Variants in CASP9 observed in about 807,000 individuals in gnomAD.
CASP9 encodes caspase-9.
In CASP9, 29 loss-of-function variants were observed where a neutral mutation model predicts 43.5. The observed-to-expected ratio is 0.67, with a 90% CI of 0.50 to 0.91. CASP9 has a LOEUF of 0.91. Among genes scored for constraint, CASP9 ranks in the 40% least tolerant of loss-of-function variants. The pLI, the probability that CASP9 is intolerant of heterozygous loss-of-function variation, is 0.00. For synonymous variants in CASP9, 206 were observed against 211.9 expected, an observed-to-expected ratio of 0.97 and a Z score of 0.24; for missense variants, 575 against 537.4, an observed-to-expected ratio of 1.07 and a Z score of -0.69.
At position 15,518,256 on chromosome 1, in the gene CASP9, G is replaced by C. The variant is rs1710034555; in HGVS notation, c.272C>G (p.Thr91Ser). The C allele has an allele frequency of 6.2e-7, 1 of 1,614,236 alleles. No homozygotes were observed. Among genetic ancestry groups the C allele is most frequent in the Non-Finnish European group, 8.5e-7 (1 of 1,180,052 alleles). ...GQDMLASFLR[T>S]NRQAAKLSKP... ...CGACAACTTTGCTGCTTGCCTGTTA[G>C]TTCGCAGAAACGAAGCCAGCATGTC... Residue 91 changes from threonine (T) to serine (S), a missense_variant, in exon 2 of 9, where the codon ACT becomes AGT. Thr to Ser is a moderately conservative substitution (Grantham distance 58). Coordinates refer to ENST00000333868, the MANE Select transcript of CASP9 (RefSeq NM_001229.5).
At chr1:15,508,708 C>T (rs1034047330) in intron 2 of CASP9, among the ~76,000 whole-genome samples, 4 of 149,476 alleles carry the variant, frequency 2.7e-5, no homozygotes, top group African/African-American at 9.6e-5. Context: ...AGCCACTGCA[C>T]CCAGCCTCAA....
intron 1 of CASP9, among the ~76,000 whole-genome samples, chr1:15,521,405 G>C (rs1298881980): frequency 6.6e-6 from 1 of 152,108 alleles, no homozygotes; most frequent in Non-Finnish European, 1.5e-5. Context: ...ACCCCTCCCT[G>C]TGGTGCTGTG....
At position 15,504,708 on chromosome 1, in the gene CASP9, A is replaced by G. The variant is rs1709453318; in HGVS notation, c.771T>C (p.Pro257=). ...TGTTCACAATCTTCTCGACCGACAC[A>G]GGGCATCCATCTGTGCCGTAGACAG... The part of the protein sequence containing the change: ...PGAVYGTDGC[P]VSVEKIVNIF... The change falls in exon 6 of 9, where the codon CCT becomes CCC. Residue 257 remains proline (P), a synonymous_variant. Coordinates refer to ENST00000333868, the MANE Select transcript of CASP9 (RefSeq NM_001229.5). 6.2e-7 allele frequency: 1 copy of G among 1,614,206 alleles called. No homozygotes were observed. Among genetic ancestry groups the G allele is most frequent in the African/African-American group, 1.3e-5 (1 of 75,062 alleles).
In CASP9 at chr1:15,491,802, C is replaced by T. The variant is rs1708903775; in HGVS notation, c.*1141G>A. 1 of 169,670 alleles carries T rather than the reference C, an allele frequency of 5.9e-6. No individual in the cohort carries two copies. The highest frequency in any genetic ancestry group is 1.3e-5 in the Non-Finnish European group (1 of 78,012). The allele number at this position is 169,670 out of a possible 1,614,324, so 10.5% of individuals were successfully genotyped here. On this transcript the variant is annotated 3_prime_UTR_variant, in exon 9 of 9. Coordinates refer to ENST00000333868, the MANE Select transcript of CASP9 (RefSeq NM_001229.5). ...AACAAGAAATAGGCTGGCATAAGGA[C>T]AGCTTAAAAGACCTCAGGGTGGAGC...
At chr1:15,495,536 C>T (rs1251068498) in intron 6 of CASP9, 84 bp from the exon 7 acceptor site, 5 of 1,186,416 alleles carry the variant, frequency 4.2e-6, no homozygotes, top group South Asian at 3.6e-5. Context: ...GTGCAATATA[C>T]TACATTAACA....
intron 1 of CASP9, among the ~76,000 whole-genome samples, chr1:15,519,262 C>T (rs1710084528): frequency 6.6e-6 from 1 of 152,120 alleles, no homozygotes. Context: ...TCACTGCAAC[C>T]TCCACCTTTT....
chr1:15,494,057 C>T, intron 7 of CASP9, 56 bp from the exon 8 acceptor site: 2 of 1,536,582 alleles, frequency 1.3e-6, no homozygotes, highest in Non-Finnish European at 1.7e-6. Flanking sequence ...GCCGGCTCCC[C>T]ACCACCCCTC....
At chr1:15,498,148 ATCACAGCTCACTGCAGCCTTG>A (rs1709185217) in intron 6 of CASP9, among the ~76,000 whole-genome samples, 1 of 152,122 alleles carries the variant, frequency 6.6e-6, no homozygotes, top group Non-Finnish European at 1.5e-5. Context: ...CAGTGGTGCA[ATCACAGCTCACTGCAGCCTTG>A]ACCTGCCAGG....
At chr1:15,523,900 G>A (rs200298401) in intron 1 of CASP9, among the ~76,000 whole-genome samples, 169 bp downstream of exon 1, 3 of 151,946 alleles carry the variant, frequency 2.0e-5, no homozygotes, top group African/African-American at 7.2e-5. Flanking sequence ...CGCTGACTGA[G>A]TATGGCATGG....
intron 2 of CASP9, among the ~76,000 whole-genome samples, chr1:15,516,356 G>C (rs541675994): frequency 1.3e-5 from 2 of 151,324 alleles, no homozygotes; most frequent in Admixed American, 1.3e-4. Context: ...GCCAGGCCTG[G>C]TGGCGCACAC....
intron 2 of CASP9, among the ~76,000 whole-genome samples, chr1:15,511,631 T>A (rs1709759699): frequency 6.6e-6 from 1 of 152,170 alleles, no homozygotes; most frequent in Non-Finnish European, 1.5e-5. Context: ...CTCAAACTAC[T>A]GGCCTCAAGT....
At chr1:15,499,063 G>C (rs540074321) in intron 6 of CASP9, among the ~76,000 whole-genome samples, 205 of 152,288 alleles carry the variant, frequency 1.3e-3, no homozygotes, top group African/African-American at 4.8e-3. Flanking sequence ...ATGGCGGCTG[G>C]AAAGCGTAAA....
chr1:15,518,606 G>A (rs1313559104), intron 1 of CASP9, among the ~76,000 whole-genome samples: 1 of 152,232 alleles, frequency 6.6e-6, no homozygotes, highest in Non-Finnish European at 1.5e-5. Flanking sequence ...GCTAAGTGCT[G>A]AAAATGCTGC....
upstream of CASP9, chr1:15,524,572 C>CCCGCACTGACCTCACGTCT (rs1710374349): frequency 2.3e-6 from 2 of 886,078 alleles, no homozygotes; most frequent in Non-Finnish European, 2.8e-6. Context: ...GCCCCGTATC[C>CCCGCACTGACCTCACGTCT]CCGCACTGAC....
At chr1:15,524,266 G>A (rs1284983991), upstream of CASP9, 55 of 1,478,990 alleles carry the variant, frequency 3.7e-5, no homozygotes, top group African/African-American at 7.8e-4. Context: ...GCCCGCCCCA[G>A]TCCCCAGGAC....
chr1:15,507,936 G>GA, intron 2 of CASP9, 29 bp from the exon 3 acceptor site: 1 of 1,613,550 alleles, frequency 6.2e-7, no homozygotes, highest in Non-Finnish European at 8.5e-7. Flanking sequence ...AGAGAAACAT[G>GA]AATGTTGGGT....
At chr1:15,512,676 T>A (rs187936757) in intron 2 of CASP9, among the ~76,000 whole-genome samples, 1 of 152,080 alleles carries the variant, frequency 6.6e-6, no homozygotes, top group Non-Finnish European at 1.5e-5. Context: ...AAGATATATA[T>A]ATATACACAC....
At chr1:15,512,595 G>A (rs1022305145) in intron 2 of CASP9, among the ~76,000 whole-genome samples, 10 of 152,148 alleles carry the variant, frequency 6.6e-5, no homozygotes, top group African/African-American at 2.2e-4. Context: ...CTTGCAGATG[G>A]CAGATCTTGG....
upstream of CASP9, chr1:15,524,825 C>T: frequency 1.0e-6 from 1 of 964,738 alleles, no homozygotes; most frequent in Non-Finnish European, 1.2e-6. Context: ...ATTCGCTCTG[C>T]GTCATCGCCC....
Sources: gnomAD v4.1 joint callset for allele counts (sites outside exome capture counted in the v4.1 genomes callset) on GRCh38, gnomAD v4.1.1 for gene constraint, MANE v1.5 for transcripts, NCBI Gene and HGNC (gene_info 2026-07-23, HGNC 2026-07-21) for gene names.